The following LRCH3 variants were observed in gnomAD, a reference collection of about 807,000 sequenced individuals.
LRCH3 encodes the protein DISP complex protein LRCH3.
A neutral mutation model predicts 104.5 loss-of-function variants in LRCH3; 68 were observed. The ratio of observed to expected loss-of-function variants is 0.65; its 90% CI spans 0.54 to 0.80. LRCH3 has a LOEUF of 0.80. LRCH3 is among the 30% of genes least tolerant of loss of function. LRCH3 has a pLI of 0.00. For synonymous variants in LRCH3, 344 were observed against 361.3 expected (o/e 0.95, Z 0.54); for missense variants, 951 against 953.9 (o/e 1.00, Z 0.04).
Position 197,832,352 on chromosome 3 carries a change from C to CA in LRCH3, c.1102+37dup, listed in dbSNP as rs752245260. On this transcript the variant is annotated intron_variant, in intron 8 of 20. Coordinates refer to ENST00000425562, the MANE Select transcript of LRCH3 (RefSeq NM_001365715.1). ...ATTCCGGTGACAGCTAAAGTGTTTG[C>CA]AACCATTTAACTTTTTAAAGTTGTC... is the stretch of plus-strand genomic sequence containing the variant. 3.7e-5 allele frequency: 60 copies of CA among 1,600,676 alleles called. No homozygotes were observed. The African/African-American group carries it at 6.7e-4, about 18-fold the overall frequency.
In LRCH3 at chr3:197,830,312, G is replaced by A. The variant is rs112144021; in HGVS notation, c.888-458G>A. ...GCCCAGCCTGGTCTCAAACTCCTGA[G>A]CTCAAGCATTCCTCCCACCTCAGCC... On this transcript the variant is annotated intron_variant, in intron 6 of 20. Coordinates refer to ENST00000425562, the MANE Select transcript of LRCH3 (RefSeq NM_001365715.1). Among the ~76,000 whole-genome samples the A allele has an allele frequency of 4.0e-3, 609 of 152,280 alleles. 5 individuals carry two copies. Among genetic ancestry groups the A allele is most frequent in the African/African-American group, 0.014 (586 of 41,566 alleles).
At chr3:197,882,281 A>C in intron 20 of LRCH3, 1 of 985,438 alleles carries the variant, frequency 1.0e-6, no homozygotes, top group Non-Finnish European at 1.2e-6. Flanking sequence ...CGACAGCAAA[A>C]CACTGGGCAG....
Position 197,870,216 on chromosome 3 carries a change from A to G in LRCH3, c.1930A>G (p.Ile644Val), listed in dbSNP as rs755404669. The change falls in exon 18 of 21, where the codon ATA (isoleucine) becomes GTA (valine). Residue 644 changes from isoleucine to valine, a missense_variant. Physicochemically the swap from Ile to Val is conservative, Grantham distance 29. Coordinates refer to ENST00000425562, the MANE Select transcript of LRCH3 (RefSeq NM_001365715.1). ...AAPTTDSTDS[I>V]TGQNSRQREE... The stretch of plus-strand genomic sequence containing the variant: ...ACCTACCACTGATTCTACAGATTCC[A>G]TAACAGGACAGAATTCAAGACAGAG... 24 of 1,613,100 alleles carry G rather than the reference A, an allele frequency of 1.5e-5. No homozygotes were observed. Among genetic ancestry groups the G allele is most frequent in the East Asian group, 2.2e-5 (1 of 44,894 alleles).
intron 1 of LRCH3, among the ~76,000 whole-genome samples, chr3:197,804,717 A>G (rs1481811951): frequency 6.6e-6 from 1 of 152,220 alleles, no homozygotes; most frequent in Non-Finnish European, 1.5e-5. Context: ...GGAGAACTAC[A>G]GACATTATCG....
intron 15 of LRCH3, among the ~76,000 whole-genome samples, chr3:197,864,424 A>G (rs1391805438): frequency 1.3e-5 from 2 of 150,162 alleles, no homozygotes; most frequent in East Asian, 1.9e-4. Context: ...CCTGACTAAC[A>G]TGGAGAAACC....
intron 16 of LRCH3, 83 bp downstream of exon 16, chr3:197,865,554 C>T (rs542913687): frequency 3.2e-5 from 29 of 907,420 alleles, no homozygotes; most frequent in South Asian, 1.1e-4. Flanking sequence ...TAAATAGAGA[C>T]GAGGCCTTTC....
intron 17 of LRCH3, among the ~76,000 whole-genome samples, chr3:197,868,322 T>G (rs1711588226): frequency 7.1e-6 from 1 of 141,796 alleles, no homozygotes; most frequent in Admixed American, 6.7e-5. Context: ...TTAAGTATTG[T>G]AAGTAACAGA....
At chr3:197,849,867 C>T (rs1560578435) in intron 12 of LRCH3, among the ~76,000 whole-genome samples, 1 of 152,138 alleles carries the variant, frequency 6.6e-6, no homozygotes, top group Admixed American at 6.5e-5. Flanking sequence ...GCCCTGCCCA[C>T]CAGGCACAGC....
intron 1 of LRCH3, among the ~76,000 whole-genome samples, chr3:197,813,271 A>G (rs1328881612): frequency 6.6e-6 from 1 of 151,416 alleles, no homozygotes; most frequent in Non-Finnish European, 1.5e-5. Flanking sequence ...AAAATGTACA[A>G]TAAATGATCG....
At chr3:197,880,722 G>A in intron 20 of LRCH3, 1 of 1,536,650 alleles carries the variant, frequency 6.5e-7, no homozygotes, top group Non-Finnish European at 8.7e-7. Context: ...CTGAAAGATT[G>A]CACTCCGGTG....
chr3:197,838,237 T>A (rs1218559979), intron 9 of LRCH3, among the ~76,000 whole-genome samples: 2 of 152,224 alleles, frequency 1.3e-5, no homozygotes, highest in African/African-American at 4.8e-5. Flanking sequence ...CTGGGCCACA[T>A]AGCGACACTC....
Position 197,883,774 on chromosome 3 carries a change from G to A in LRCH3, c.*108G>A. ...CAAAGCTCTTGTGTGTTCTCAGAAG[G>A]GACCGTTCCCATGATTCCTAACAGG... On this transcript the variant is annotated 3_prime_UTR_variant, in exon 21 of 21. Coordinates refer to ENST00000425562, the MANE Select transcript of LRCH3 (RefSeq NM_001365715.1). This position sits in a 1 kb window ranked among gnomAD's most constrained non-coding sequence, Gnocchi z 4.2. 1 of 1,186,968 alleles carries A rather than the reference G, an allele frequency of 8.4e-7. No homozygotes were observed. Among genetic ancestry groups the A allele is most frequent in the East Asian group, 2.9e-5 (1 of 34,544 alleles). 73.5% of individuals were successfully genotyped at this position (1,186,968 alleles called of 1,614,324 possible).
intron 2 of LRCH3, 92 bp downstream of exon 2, chr3:197,815,144 T>A: frequency 1.5e-6 from 1 of 674,484 alleles, no homozygotes; most frequent in Non-Finnish European, 2.3e-6. Flanking sequence ...ATATATATGC[T>A]ATCTATTCAT....
rs370365075 is a variant in LRCH3, at chr3:197,854,325, C to T, written c.1591-67C>T. 49 of 1,330,812 alleles carry T rather than the reference C, an allele frequency of 3.7e-5. No homozygotes were observed. In the East Asian group the frequency reaches 8.5e-4, roughly 23 times the overall value. The allele number at this position is 1,330,812 out of a possible 1,614,324, so 82.4% of individuals were successfully genotyped here. On this transcript the variant is annotated intron_variant, in intron 13 of 20. Coordinates refer to ENST00000425562, the MANE Select transcript of LRCH3 (RefSeq NM_001365715.1). This position sits in a 1 kb window ranked among gnomAD's most constrained non-coding sequence, Gnocchi z 4.5. The stretch of plus-strand genomic sequence containing the variant: ...ATGTCTCTTCCCTTGTGTGTGTATT[C>T]GTGAAATACGTCACACGTGTGCGTA...
chr3:197,882,185 G>A (rs1713829229), intron 20 of LRCH3: 14 of 985,282 alleles, frequency 1.4e-5, no homozygotes, highest in Non-Finnish European at 1.6e-5. Context: ...ACAGGCTTCT[G>A]AGTGTGAACA....
chr3:197,802,587 T>C (rs147187664), intron 1 of LRCH3, among the ~76,000 whole-genome samples: 94 of 152,328 alleles, frequency 6.2e-4, no homozygotes, highest in Middle Eastern at 6.8e-3. Flanking sequence ...AGGATTGTTA[T>C]TAGTTCTTCA....
chr3:197,797,211 C>T (rs1014011380), intron 1 of LRCH3, among the ~76,000 whole-genome samples: 3 of 150,822 alleles, frequency 2.0e-5, no homozygotes, highest in Non-Finnish European at 2.9e-5. Flanking sequence ...TGGCTGTAAT[C>T]GCAGCTACTT....
chr3:197,861,082 C>T (rs888961494), intron 15 of LRCH3, among the ~76,000 whole-genome samples: 2 of 151,572 alleles, frequency 1.3e-5, no homozygotes, highest in African/African-American at 4.9e-5. Context: ...AAGCGATTCT[C>T]ATGCCTCAGG....
At chr3:197,829,753 T>C in intron 6 of LRCH3, 80 bp downstream of exon 6, 1 of 952,062 alleles carries the variant, frequency 1.1e-6, no homozygotes, top group Non-Finnish European at 1.6e-6. Flanking sequence ...TTTGCCTGAA[T>C]GTTTGACTAA....
Sources: allele counts gnomAD v4.1 joint callset (sites outside exome capture counted in the v4.1 genomes callset), GRCh38; gene constraint gnomAD v4.1.1; non-coding constraint Gnocchi (gnomAD v3.1); transcripts MANE v1.5; gene names NCBI Gene and HGNC (gene_info 2026-07-23, HGNC 2026-07-21).